ANXA8: variants seen among roughly 807,000 people sequenced by gnomAD.
The protein encoded by ANXA8 is VAC-beta.
ANXA8 carries 9 observed loss-of-function variants against 26.8 expected under a neutral mutation model. The observed-to-expected ratio is 0.34, with a 90% CI of 0.20 to 0.59. The LOEUF is 0.59. Among genes scored for constraint, ANXA8 ranks in the 20% least tolerant of loss-of-function variants. The pLI is 0.84. For missense variants in ANXA8, 83 were observed against 238.5 expected, an observed-to-expected ratio of 0.35 and a Z score of 4.29; for synonymous variants, 39 against 94.8, an observed-to-expected ratio of 0.41 and a Z score of 3.42.
the ANXA8 span, among the ~76,000 whole-genome samples, chr10:47,585,005 T>A: frequency 6.8e-6 from 1 of 147,316 alleles, no homozygotes; most frequent in African/African-American, 2.7e-5. Context: ...GGAGAATTGC[T>A]TGAACCCAGG....
the ANXA8 span, among the ~76,000 whole-genome samples, chr10:47,666,888 T>G: frequency 6.6e-6 from 1 of 152,008 alleles, no homozygotes; most frequent in South Asian, 2.1e-4. Flanking sequence ...ATTTAAAAAA[T>G]TGATTTACTT....
the ANXA8 span, among the ~76,000 whole-genome samples, chr10:47,657,948 A>G: frequency 1.3e-5 from 2 of 151,856 alleles, no homozygotes; most frequent in African/African-American, 2.4e-5. Context: ...TTAAAATTTC[A>G]CTGTTGTCAT....
chr10:47,573,977 G>A, the ANXA8 span, among the ~76,000 whole-genome samples: 8 of 144,306 alleles, frequency 5.5e-5, no homozygotes, highest in Admixed American at 5.6e-4. Context: ...GGGCCCCTGA[G>A]TTAAAGAAAA....
chr10:47,484,018 C>A lies in ANXA8; in HGVS notation c.-85G>T, dbSNP rs1379127938. 2 of 1,611,626 alleles carry A rather than the reference C, an allele frequency of 1.2e-6. No individual in the cohort carries two copies. The highest frequency in any genetic ancestry group is 1.1e-5 in the South Asian group (1 of 90,980). ...TGGGACTCCACACGTCTGGCTCCTG[C>A]AGCTGAGGAGTGAGCAGGCCGCTCA... On this transcript the variant is annotated 5_prime_UTR_variant, in exon 1 of 12. Coordinates refer to ENST00000585281, the MANE Select transcript of ANXA8 (RefSeq NM_001040084.3).
chr10:47,620,778 T>G, the ANXA8 span, among the ~76,000 whole-genome samples: 51 of 108,568 alleles, frequency 4.7e-4, 13 homozygotes, highest in South Asian at 0.015. Context: ...ATTATATCTA[T>G]ATTAATCAAG....
the ANXA8 span, among the ~76,000 whole-genome samples, chr10:47,976,727 C>A: frequency 1.3e-5 from 2 of 149,078 alleles, no homozygotes; most frequent in Non-Finnish European, 3.0e-5. Context: ...GGCACATTCC[C>A]AGGGATTGTC....
the ANXA8 span, among the ~76,000 whole-genome samples, chr10:47,692,884 G>A: frequency 6.6e-6 from 1 of 150,454 alleles, no homozygotes; most frequent in Non-Finnish European, 1.5e-5. Flanking sequence ...ACAGGTGCAA[G>A]CCACCATGCC....
chr10:47,595,794 CA>C, the ANXA8 span, among the ~76,000 whole-genome samples: 1 of 148,386 alleles, frequency 6.7e-6, no homozygotes, highest in Non-Finnish European at 1.5e-5. Context: ...AAGAGGTAGA[CA>C]GCCCCTCAGT....
chr10:47,561,599 T>G, the ANXA8 span, among the ~76,000 whole-genome samples: 1 of 151,870 alleles, frequency 6.6e-6, no homozygotes, highest in South Asian at 2.1e-4. Context: ...TAAAAGTACA[T>G]GTATGTCAAA....
chr10:47,982,433 T>A, the ANXA8 span, among the ~76,000 whole-genome samples: 3 of 150,072 alleles, frequency 2.0e-5, no homozygotes, highest in Non-Finnish European at 4.5e-5. Context: ...TATGGTTAAC[T>A]GATTTTTGAC....
At chr10:47,743,117 G>A in the ANXA8 span, among the ~76,000 whole-genome samples, 1 of 136,596 alleles carries the variant, frequency 7.3e-6, no homozygotes, top group South Asian at 2.3e-4. Context: ...CTTGTAGTGA[G>A]CCAAGATCAG....
chr10:47,959,426 T>C, the ANXA8 span, among the ~76,000 whole-genome samples: 12 of 149,484 alleles, frequency 8.0e-5, no homozygotes, highest in African/African-American at 3.0e-4. Flanking sequence ...AGGACCCACA[T>C]TGGCCAGAGT....
chr10:47,654,250 T>C, the ANXA8 span, among the ~76,000 whole-genome samples: 2 of 146,250 alleles, frequency 1.4e-5, no homozygotes, highest in Non-Finnish European at 3.0e-5. Context: ...TGTGCAAAGA[T>C]AGTTTTCTGA....
At chr10:47,583,845 A>C in the ANXA8 span, among the ~76,000 whole-genome samples, 3 of 140,952 alleles carry the variant, frequency 2.1e-5, no homozygotes, top group East Asian at 6.3e-4. Context: ...GGAAGAACGC[A>C]CAGCCTGCAA....
the ANXA8 span, among the ~76,000 whole-genome samples, chr10:47,735,792 C>T: frequency 6.6e-6 from 1 of 151,426 alleles, no homozygotes; most frequent in Non-Finnish European, 1.5e-5. Context: ...CAGGCATATG[C>T]CTCCATACCT....
the ANXA8 span, among the ~76,000 whole-genome samples, chr10:47,679,990 T>C: frequency 2.0e-5 from 3 of 151,864 alleles, no homozygotes; most frequent in African/African-American, 4.8e-5. Context: ...TTTTTTTTTT[T>C]CTGAGATGGA....
the ANXA8 span, among the ~76,000 whole-genome samples, chr10:47,980,579 A>G: frequency 5.1e-4 from 78 of 151,486 alleles, 1 homozygote; most frequent in East Asian, 0.013. Context: ...AAATTATTAA[A>G]TTATTAATGT....
the ANXA8 span, chr10:47,503,030 T>G: frequency 6.2e-7 from 1 of 1,608,422 alleles, no homozygotes; most frequent in Non-Finnish European, 8.5e-7. Flanking sequence ...CCGGTGTCCA[T>G]GTCCTTGGAT....
the ANXA8 span, among the ~76,000 whole-genome samples, chr10:47,957,238 C>T: frequency 6.7e-6 from 1 of 150,374 alleles, no homozygotes; most frequent in Admixed American, 6.6e-5. Flanking sequence ...GGCTGTGAGC[C>T]TGAGGATGGA....
Sources: allele counts gnomAD v4.1 joint callset (sites outside exome capture counted in the v4.1 genomes callset), GRCh38; gene constraint gnomAD v4.1.1; transcripts MANE v1.5; gene names NCBI Gene and HGNC (gene_info 2026-07-23, HGNC 2026-07-21).